Variants in PSD3 observed in about 807,000 individuals in gnomAD.
The protein encoded by PSD3 is PH and SEC7 domain-containing protein 3.
In PSD3, 49 loss-of-function variants were observed where a neutral mutation model predicts 105.5. The ratio of observed to expected loss-of-function variants is 0.46; its 90% CI spans 0.37 to 0.59. The LOEUF is 0.59. PSD3 is among the 20% of genes least tolerant of loss of function. The probability of loss-of-function intolerance (pLI) is 0.00; values close to 1 mark genes in which losing one functional copy is unlikely to be tolerated. For missense variants in PSD3, 1,561 were observed against 1,263.8 expected, an observed-to-expected ratio of 1.24 and a Z score of -3.57; for synonymous variants, 557 against 457.8, an observed-to-expected ratio of 1.22 and a Z score of -2.77.
At chr8:18,818,899 G>T (rs1812452312) in intron 4 of PSD3, among the ~76,000 whole-genome samples, 2 of 152,090 alleles carry the variant, frequency 1.3e-5, no homozygotes, top group African/African-American at 4.8e-5. Flanking sequence ...AGGTGGGTTG[G>T]GGGGAAAAGT....
chr8:18,916,503 A>G (rs1820618666), intron 2 of PSD3, among the ~76,000 whole-genome samples: 1 of 151,758 alleles, frequency 6.6e-6, no homozygotes, highest in Admixed American at 6.6e-5. Flanking sequence ...ATACTGCACG[A>G]TCTTATTTAC....
intron 9 of PSD3, chr8:18,734,427 C>G (rs774029731): frequency 1.3e-5 from 2 of 151,962 alleles, no homozygotes; most frequent in Non-Finnish European, 2.9e-5. Context: ...TTTTTTAAAT[C>G]ATGGAAAAGA....
intron 1 of PSD3, among the ~76,000 whole-genome samples, chr8:18,966,254 C>T (rs1236133532): frequency 6.6e-6 from 1 of 152,124 alleles, no homozygotes; most frequent in Non-Finnish European, 1.5e-5. Flanking sequence ...AGTTTCCACA[C>T]CTATACTAGG....
At chr8:18,795,807 T>G (rs139194318) in intron 8 of PSD3, among the ~76,000 whole-genome samples, 1,793 of 152,318 alleles carry the variant, frequency 0.012, 19 homozygotes, top group Non-Finnish European at 0.019. Context: ...TATTCTGACA[T>G]ATCAAATCTT....
At chr8:18,536,840 T>C (rs1246713704) in intron 15 of PSD3, among the ~76,000 whole-genome samples, 2 of 152,158 alleles carry the variant, frequency 1.3e-5, no homozygotes, top group African/African-American at 4.8e-5. Context: ...AGATTCTTAA[T>C]TTGACACATT....
intron 14 of PSD3, among the ~76,000 whole-genome samples, chr8:18,570,545 G>A (rs60640417): frequency 0.39 from 58,247 of 147,608 alleles, 11,545 homozygotes; most frequent in East Asian, 0.51. Context: ...CTATAAAATG[G>A]GAGAAAATTT....
At chr8:19,069,136 T>C (rs1423080189) in intron 1 of PSD3, among the ~76,000 whole-genome samples, 1 of 152,232 alleles carries the variant, frequency 6.6e-6, no homozygotes, top group Non-Finnish European at 1.5e-5. Context: ...AATTATTTAC[T>C]TTCAGCAGCG....
chr8:18,647,275 A>G (rs1585490780), intron 10 of PSD3, among the ~76,000 whole-genome samples: 1 of 152,248 alleles, frequency 6.6e-6, no homozygotes. Context: ...CAGGGCTATC[A>G]TAACACATGA....
chr8:18,864,854 G>A (rs999833970), intron 4 of PSD3: 3 of 151,802 alleles, frequency 2.0e-5, no homozygotes, highest in Non-Finnish European at 4.4e-5. Context: ...ATGTTTTAAC[G>A]CAGATGAAAT....
At chr8:19,043,591 CTT>C (rs1464397188) in intron 1 of PSD3, among the ~76,000 whole-genome samples, 2 of 152,162 alleles carry the variant, frequency 1.3e-5, no homozygotes, top group Non-Finnish European at 2.9e-5. Context: ...CCATCCAAAA[CTT>C]ATGCTGAAGT....
intron 1 of PSD3, among the ~76,000 whole-genome samples, chr8:19,064,885 G>A (rs534886204): frequency 6.6e-6 from 1 of 152,178 alleles, no homozygotes; most frequent in South Asian, 2.1e-4. Flanking sequence ...TACTTCCATT[G>A]TATTAAATAA....
chr8:18,913,819 C>T (rs552495469), intron 2 of PSD3, among the ~76,000 whole-genome samples: 49 of 151,816 alleles, frequency 3.2e-4, no homozygotes, highest in African/African-American at 1.1e-3. Flanking sequence ...ACTACAGACT[C>T]AGGCTTTAAG....
intron 1 of PSD3, among the ~76,000 whole-genome samples, chr8:19,028,246 G>T (rs953097677): frequency 1.3e-4 from 20 of 148,640 alleles, no homozygotes; most frequent in African/African-American, 4.7e-4. Context: ...TTCATAAAGT[G>T]CCTGTTTCAA....
In PSD3 at chr8:18,603,726, A is replaced by T. The variant is rs565101067; in HGVS notation, c.2411-3292T>A. ...GGTTTCTCATGAATGGTTTAGCACC[A>T]TCCGCTTCTCGTGACACTGAGTAAG... On this transcript the variant is annotated intron_variant, in intron 11 of 15. Coordinates refer to ENST00000327040, the MANE Select transcript of PSD3 (RefSeq NM_015310.4). 3.9e-5 allele frequency among the ~76,000 whole-genome samples: 6 copies of T among 152,296 alleles called. No homozygotes were observed. The South Asian group carries it at 1.2e-3, about 32-fold the overall frequency.
At position 18,528,432 on chromosome 8, in the gene PSD3, T is replaced by C. The variant is rs1799512964; in HGVS notation, c.*7311A>G. On this transcript the variant is annotated 3_prime_UTR_variant, in exon 16 of 16. Coordinates refer to ENST00000327040, the MANE Select transcript of PSD3 (RefSeq NM_015310.4). ...ATCTTTGTCATGACGTTTGTTCATGTGCCACGCTCAGTGACTCAGTCACTC... is the reference window on the plus strand; with the variant it reads ...ATCTTTGTCATGACGTTTGTTCATGCGCCACGCTCAGTGACTCAGTCACTC... 6.6e-6 allele frequency: 1 copy of C among 152,226 alleles called. No individual in the cohort carries two copies. Among genetic ancestry groups the C allele is most frequent in the Non-Finnish European group, 1.5e-5 (1 of 68,042 alleles). The allele number at this position is 152,226 out of a possible 1,614,324, so 9.4% of individuals were successfully genotyped here.
chr8:18,834,607 T>C (rs1345418758), intron 4 of PSD3, among the ~76,000 whole-genome samples: 1 of 152,156 alleles, frequency 6.6e-6, no homozygotes, highest in Non-Finnish European at 1.5e-5. Flanking sequence ...GGGCCGCGGA[T>C]ACCCATGCAC....
intron 1 of PSD3, among the ~76,000 whole-genome samples, chr8:19,049,197 G>T (rs772886742): frequency 3.9e-5 from 6 of 152,114 alleles, no homozygotes; most frequent in Non-Finnish European, 8.8e-5. Flanking sequence ...TTTAATACGC[G>T]AATTTTGAGG....
chr8:18,564,094 T>C (rs1340118462), intron 14 of PSD3, among the ~76,000 whole-genome samples: 3 of 139,534 alleles, frequency 2.2e-5, no homozygotes. Context: ...TGGGAAAAAA[T>C]TTAAAGTTTT....
At chr8:18,621,143 C>G (rs1157792741) in intron 11 of PSD3, among the ~76,000 whole-genome samples, 1 of 152,108 alleles carries the variant, frequency 6.6e-6, no homozygotes, top group East Asian at 1.9e-4. Flanking sequence ...CACGGTGGCT[C>G]ACGCCTGCAA....
Sources: allele counts gnomAD v4.1 joint callset (sites outside exome capture counted in the v4.1 genomes callset), GRCh38; gene constraint gnomAD v4.1.1; transcripts MANE v1.5; gene names NCBI Gene and HGNC (gene_info 2026-07-23, HGNC 2026-07-21).